KIF3A: variants seen among roughly 807,000 people sequenced by gnomAD.
KIF3A encodes the protein kinesin family member 3A.
In KIF3A, 27 loss-of-function variants were observed where a neutral mutation model predicts 92.6. The observed-to-expected ratio is 0.29, with a 90% CI of 0.21 to 0.40. The LOEUF (loss-of-function observed/expected upper bound fraction) is 0.40. KIF3A is among the 10% of genes least tolerant of loss of function. The pLI is 1.00. For synonymous variants in KIF3A, 250 were observed against 275.4 expected (o/e 0.91, Z 0.92); for missense variants, 581 against 872.6 (o/e 0.67, Z 4.21).
At chr5:132,720,332 T>C (rs1366730469) in intron 5 of KIF3A, among the ~76,000 whole-genome samples, 1 of 152,182 alleles carries the variant, frequency 6.6e-6, no homozygotes. Flanking sequence ...TCAATAAACA[T>C]TACCAATTTT....
chr5:132,732,613 A>AGT (rs1485667232), intron 2 of KIF3A, among the ~76,000 whole-genome samples: 1 of 152,176 alleles, frequency 6.6e-6, no homozygotes, highest in Non-Finnish European at 1.5e-5. Flanking sequence ...CGTCTCTACT[A>AGT]AAAATACAAA....
At chr5:132,724,806 A>AAAAATTATATAT (rs59476182) in intron 4 of KIF3A, among the ~76,000 whole-genome samples, 1 of 22,700 alleles carries the variant, frequency 4.4e-5, no homozygotes, top group African/African-American at 1.8e-4. Context: ...AAAAAAAAAA[A>AAAAATTATATAT]ATATATATAT....
downstream of KIF3A, among the ~76,000 whole-genome samples, chr5:132,688,913 C>T (rs1008809894): frequency 1.3e-5 from 2 of 152,128 alleles, no homozygotes; most frequent in African/African-American, 4.8e-5. Flanking sequence ...ATTTCCCCAG[C>T]CCTCTAAAAA....
Position 132,726,232 on chromosome 5 carries a change from A to G in KIF3A, c.426-20T>C. 6.3e-7 allele frequency: 1 copy of G among 1,593,894 alleles called. No individual in the cohort carries two copies. The highest frequency in any genetic ancestry group is 1.1e-5 in the South Asian group (1 of 88,226). The stretch of plus-strand genomic sequence containing the variant: ...AAAAATCTATAAAACATCATTTTTA[A>G]AAAGTCAAAGAGTGAAATATTCATA... On this transcript the variant is annotated intron_variant, in intron 3 of 18. Transcript: ENST00000403231.
intron 17 of KIF3A, 92 bp from the exon 18 acceptor site, chr5:132,699,387 A>G: frequency 2.3e-6 from 3 of 1,306,670 alleles, no homozygotes; most frequent in Non-Finnish European, 3.2e-6. Flanking sequence ...AAACTCCTTG[A>G]TCAAACCCAC....
intron 4 of KIF3A, among the ~76,000 whole-genome samples, chr5:132,725,419 C>T (rs79427954): frequency 9.2e-5 from 14 of 152,180 alleles, no homozygotes; most frequent in Non-Finnish European, 1.5e-4. Context: ...AATAATCCTA[C>T]GAAGTGGATA....
intron 17 of KIF3A, 41 bp from the exon 18 acceptor site, chr5:132,699,336 G>C (rs984304651): frequency 3.1e-6 from 5 of 1,600,668 alleles, no homozygotes; most frequent in Non-Finnish European, 4.3e-6. Context: ...TTAAGGCAAA[G>C]AGTTAAAGCC....
At chr5:132,724,796 A>T (rs1235377964) in intron 4 of KIF3A, among the ~76,000 whole-genome samples, 2 of 30,144 alleles carry the variant, frequency 6.6e-5, no homozygotes, top group Non-Finnish European at 1.2e-4. Context: ...GTATAATAAA[A>T]AAAAAAAAAA....
rs1428113639 is a variant in KIF3A, at chr5:132,716,262, TTCC to T, written c.934_936del (p.Gly312del). ...AGTCTTACCATCATGGTTTTTGAAT[TTCC>T]TCCTAAGGAATCCTGAAGAAGACGA... On this transcript the variant is annotated inframe_deletion, in exon 7 of 19. Coordinates refer to ENST00000403231, the MANE Select transcript of KIF3A (RefSeq NM_001300791.2). The T allele has an allele frequency of 1.2e-6, 2 of 1,613,636 alleles. No individual in the cohort carries two copies. The highest frequency in any genetic ancestry group is 1.7e-6 in the Non-Finnish European group (2 of 1,179,706).
intron 11 of KIF3A, among the ~76,000 whole-genome samples, chr5:132,705,364 T>A (rs1490333867): frequency 6.6e-6 from 1 of 151,844 alleles, no homozygotes; most frequent in Non-Finnish European, 1.5e-5. Flanking sequence ...AATAAATGCA[T>A]GAAGACACTG....
At chr5:132,710,205 A>G (rs1480072304) in intron 9 of KIF3A, among the ~76,000 whole-genome samples, 2 of 152,358 alleles carry the variant, frequency 1.3e-5, no homozygotes, top group South Asian at 2.1e-4. Context: ...TTATAAAGAA[A>G]AAGAACTAAA....
chr5:132,700,571 A>G, intron 16 of KIF3A, 76 bp downstream of exon 16: 2 of 997,106 alleles, frequency 2.0e-6, no homozygotes, highest in Non-Finnish European at 1.6e-6. Flanking sequence ...GTTCCTCCCC[A>G]CTGTAGCCAG....
chr5:132,700,463 C>T, intron 16 of KIF3A, 179 bp from the exon 17 acceptor site: 1 of 649,786 alleles, frequency 1.5e-6, no homozygotes, highest in Non-Finnish European at 2.7e-6. Context: ...ACCATTTCCA[C>T]CCAGACCATG....
Position 132,702,918 on chromosome 5 carries a change from T to C in KIF3A, c.1614A>G (p.Ala538=), listed in dbSNP as rs1228533587. 1 of 1,613,746 alleles carries C rather than the reference T, an allele frequency of 6.2e-7. No individual in the cohort carries two copies. The highest frequency in any genetic ancestry group is 8.5e-7 in the Non-Finnish European group (1 of 1,179,834). Reference sequence around the variant, plus strand: ...CCTCAAGTTCTCTGCGAAGTTGCTCTGCTCTTTTCCTCCTTTCTTCCAGTT... The same window carrying C: ...CCTCAAGTTCTCTGCGAAGTTGCTCCGCTCTTTTCCTCCTTTCTTCCAGTT... ...NMELEERRKR[A]EQLRRELEEK... is the part of the protein sequence containing the mutation. The change falls in exon 13 of 19, where the codon GCA becomes GCG. Residue 538 remains alanine (A), a synonymous_variant. Coordinates refer to ENST00000403231, the MANE Select transcript of KIF3A (RefSeq NM_001300791.2).
chr5:132,696,367 T>C lies in KIF3A; in HGVS notation c.*267A>G, dbSNP rs1752837050. 3.2e-6 allele frequency: 1 copy of C among 313,164 alleles called. No individual in the cohort carries two copies. The highest frequency in any genetic ancestry group is 5.9e-6 in the Non-Finnish European group (1 of 169,604). The allele number at this position is 313,164 out of a possible 1,614,324, so 19.4% of individuals were successfully genotyped here. On this transcript the variant is annotated 3_prime_UTR_variant, in exon 19 of 19. Coordinates refer to ENST00000403231, the MANE Select transcript of KIF3A (RefSeq NM_001300791.2). ...ACATCTAAACTGTAACTCTCTATAG[T>C]ATGAACTGTTCCCCCAACTTCCCTG...
chr5:132,737,144 G>T (rs1754423611), intron 1 of KIF3A, among the ~76,000 whole-genome samples: 1 of 152,242 alleles, frequency 6.6e-6, no homozygotes, highest in African/African-American at 2.4e-5. Flanking sequence ...CTCCAGCACA[G>T]CGCCTTTTTG....
chr5:132,716,026 A>G, intron 7 of KIF3A, 95 bp from the exon 8 acceptor site: 1 of 986,994 alleles, frequency 1.0e-6, no homozygotes, highest in East Asian at 2.6e-5. Flanking sequence ...TTTAAAGCAC[A>G]TATGCACCCT....
chr5:132,736,890 C>T, intron 1 of KIF3A: 2 of 365,640 alleles, frequency 5.5e-6, no homozygotes, highest in South Asian at 4.2e-5. Flanking sequence ...GCCACACACA[C>T]AAAGACACCT....
At chr5:132,717,653 T>C (rs1753674844) in intron 5 of KIF3A, among the ~76,000 whole-genome samples, 1 of 152,156 alleles carries the variant, frequency 6.6e-6, no homozygotes, top group Admixed American at 6.6e-5. Context: ...AAAAAATCCA[T>C]TCAAAATATG....
Sources: gnomAD v4.1 joint callset for allele counts (sites outside exome capture counted in the v4.1 genomes callset) on GRCh38, gnomAD v4.1.1 for gene constraint, MANE v1.5 for transcripts, NCBI Gene and HGNC (gene_info 2026-07-23, HGNC 2026-07-21) for gene names.